The following HS6ST3 variants were observed in gnomAD, a reference collection of about 807,000 sequenced individuals.
HS6ST3 encodes heparan sulfate 6-O-sulfotransferase 3, also known as heparan-sulfate 6-O-sulfotransferase 3.
HS6ST3 carries 12 observed loss-of-function variants against 36.7 expected under a neutral mutation model. The ratio of observed to expected loss-of-function variants is 0.33; its 90% CI spans 0.21 to 0.53. The LOEUF is 0.53. HS6ST3 is among the 20% of genes least tolerant of loss of function. The pLI, the probability that HS6ST3 is intolerant of heterozygous loss-of-function variation, is 0.95. For synonymous variants in HS6ST3, 240 were observed against 257.5 expected (o/e 0.93, Z 0.65); for missense variants, 584 against 640.9 (o/e 0.91, Z 0.96).
At chr13:96,700,769 A>G (rs1337577473) in intron 1 of HS6ST3, among the ~76,000 whole-genome samples, 6 of 152,200 alleles carry the variant, frequency 3.9e-5, no homozygotes, top group Non-Finnish European at 5.9e-5. Context: ...GAGACTGCTT[A>G]TCACACTGGA....
At chr13:96,229,559 A>C (rs72642940) in intron 1 of HS6ST3, among the ~76,000 whole-genome samples, 9,013 of 152,258 alleles carry the variant, frequency 0.059, 341 homozygotes, top group East Asian at 0.15. Context: ...TTAAAAGGGC[A>C]TTAATGCTAC....
At chr13:96,827,505 T>C (rs889608601) in intron 1 of HS6ST3, among the ~76,000 whole-genome samples, 5 of 152,214 alleles carry the variant, frequency 3.3e-5, no homozygotes, top group Non-Finnish European at 7.3e-5. Context: ...CATGAGAATA[T>C]GTCTGTCTAA....
chr13:96,110,442 GT>G (rs1284223910), intron 1 of HS6ST3, among the ~76,000 whole-genome samples: 1 of 146,036 alleles, frequency 6.8e-6, no homozygotes, highest in Admixed American at 6.8e-5. Flanking sequence ...GTGTGTGTGT[GT>G]TTTTTTTTTT....
At chr13:96,408,672 TC>T (rs2055491092) in intron 1 of HS6ST3, among the ~76,000 whole-genome samples, 1 of 151,934 alleles carries the variant, frequency 6.6e-6, no homozygotes, top group Admixed American at 6.6e-5. Flanking sequence ...GCCTGTAATC[TC>T]AGCACTTTGG....
intron 1 of HS6ST3, among the ~76,000 whole-genome samples, chr13:96,489,806 G>A (rs1003436305): frequency 6.6e-6 from 1 of 152,092 alleles, no homozygotes; most frequent in Non-Finnish European, 1.5e-5. Context: ...AGCAGATTTT[G>A]TTGACATTTA....
chr13:96,710,317 G>A (rs1875529818), intron 1 of HS6ST3, among the ~76,000 whole-genome samples: 1 of 152,228 alleles, frequency 6.6e-6, no homozygotes, highest in Admixed American at 6.5e-5. Context: ...ACACTCATTT[G>A]GGGGCCTGAC....
At chr13:96,831,975 A>AAAAAAAAAAAAAAAAAAAAAAAC (rs1566464310) in intron 1 of HS6ST3, among the ~76,000 whole-genome samples, 2 of 148,634 alleles carry the variant, frequency 1.3e-5, no homozygotes, top group African/African-American at 5.0e-5. Context: ...AAAAAAAAAA[A>AAAAAAAAAAAAAAAAAAAAAAAC]AAAAACAGAG....
At chr13:96,310,196 A>G (rs2054933347) in intron 1 of HS6ST3, among the ~76,000 whole-genome samples, 1 of 152,184 alleles carries the variant, frequency 6.6e-6, no homozygotes, top group East Asian at 1.9e-4. Context: ...TTTTTCTTCA[A>G]GCATTTAAAT....
chr13:96,405,983 T>G (rs2139459676), intron 1 of HS6ST3, among the ~76,000 whole-genome samples: 1 of 152,346 alleles, frequency 6.6e-6, no homozygotes, highest in African/African-American at 2.4e-5. Context: ...CTTTTTCCAT[T>G]AAGACTTTGG....
intron 1 of HS6ST3, among the ~76,000 whole-genome samples, chr13:96,283,590 T>C (rs572091347): frequency 3.3e-4 from 50 of 152,288 alleles, no homozygotes; most frequent in African/African-American, 1.1e-3. Context: ...TTTTAATATA[T>C]AGTTTTGTCA....
At chr13:96,336,451 T>A (rs1027233251) in intron 1 of HS6ST3, among the ~76,000 whole-genome samples, 1 of 152,298 alleles carries the variant, frequency 6.6e-6, no homozygotes. Context: ...TATTGGGTCT[T>A]TATAGAGGTA....
intron 1 of HS6ST3, among the ~76,000 whole-genome samples, chr13:96,293,246 A>G (rs1431412636): frequency 6.6e-6 from 1 of 152,156 alleles, no homozygotes; most frequent in African/African-American, 2.4e-5. Context: ...AGGGTTAGCT[A>G]CTGATGATGT....
At chr13:96,705,765 A>G (rs1469835593) in intron 1 of HS6ST3, among the ~76,000 whole-genome samples, 1 of 152,214 alleles carries the variant, frequency 6.6e-6, no homozygotes, top group African/African-American at 2.4e-5. Context: ...CAGGCTCACC[A>G]GAGCAGGAGC....
chr13:96,282,793 A>G (rs2054782267), intron 1 of HS6ST3, among the ~76,000 whole-genome samples: 1 of 152,106 alleles, frequency 6.6e-6, no homozygotes, highest in Non-Finnish European at 1.5e-5. Context: ...TATCATGAAA[A>G]CCCGAGGCTG....
At chr13:96,412,044 A>C (rs1384824004) in intron 1 of HS6ST3, among the ~76,000 whole-genome samples, 1 of 151,848 alleles carries the variant, frequency 6.6e-6, no homozygotes, top group Non-Finnish European at 1.5e-5. Context: ...CTCGCTCTGT[A>C]GCCAGGCTGC....
chr13:96,706,615 G>A (rs1197494715), intron 1 of HS6ST3, among the ~76,000 whole-genome samples: 1 of 151,764 alleles, frequency 6.6e-6, no homozygotes, highest in Non-Finnish European at 1.5e-5. Flanking sequence ...GTACCTATGA[G>A]TTTGAGAGAG....
At chr13:96,617,080 A>G (rs2056477253) in intron 1 of HS6ST3, among the ~76,000 whole-genome samples, 1 of 152,214 alleles carries the variant, frequency 6.6e-6, no homozygotes, top group Non-Finnish European at 1.5e-5. Flanking sequence ...TGACTTTTGT[A>G]GTATGTCATG....
intron 1 of HS6ST3, among the ~76,000 whole-genome samples, chr13:96,414,447 A>G (rs991188399): frequency 6.6e-6 from 1 of 152,166 alleles, no homozygotes; most frequent in African/African-American, 2.4e-5. Flanking sequence ...TTTGTGTGAT[A>G]TCAACTTCAA....
intron 1 of HS6ST3, among the ~76,000 whole-genome samples, chr13:96,216,998 C>G (rs542693744): frequency 6.6e-5 from 10 of 152,230 alleles, no homozygotes; most frequent in African/African-American, 2.4e-4. Flanking sequence ...GTGACCACAC[C>G]CTGTCTTCTC....
Sources: allele counts gnomAD v4.1 joint callset (sites outside exome capture counted in the v4.1 genomes callset), GRCh38; gene constraint gnomAD v4.1.1; transcripts MANE v1.5; gene names NCBI Gene and HGNC (gene_info 2026-07-23, HGNC 2026-07-21).